Variants in TIPRL observed in about 807,000 individuals in gnomAD.
TIPRL encodes TOR signaling pathway regulator.
In TIPRL, 10 loss-of-function variants were observed where a neutral mutation model predicts 32.3. The ratio of observed to expected loss-of-function variants is 0.31; its 90% CI spans 0.19 to 0.52. The LOEUF (loss-of-function observed/expected upper bound fraction) is 0.52, where lower values mean the gene tolerates loss of function less well. Among genes scored for constraint, TIPRL ranks in the 20% least tolerant of loss-of-function variants. The pLI is 0.96. For missense variants in TIPRL, 250 were observed against 328.1 expected (o/e 0.76, Z 1.84); for synonymous variants, 100 against 114.0 (o/e 0.88, Z 0.78).
intron 3 of TIPRL, 29 bp from the exon 4 acceptor site, chr1:168,191,340 G>T: frequency 6.6e-7 from 1 of 1,506,544 alleles, no homozygotes; most frequent in Non-Finnish European, 8.8e-7. Flanking sequence ...TTTTTTTAAT[G>T]TGCTCCTCTT....
chr1:168,186,416 A>C lies in TIPRL; in HGVS notation c.384+1538A>C, dbSNP rs375661672. Among the ~76,000 whole-genome samples, 17 of 152,144 alleles carry C rather than the reference A, an allele frequency of 1.1e-4. No homozygotes were observed. The South Asian group carries it at 3.3e-3, about 30-fold the overall frequency. On this transcript the variant is annotated intron_variant, in intron 3 of 6. Transcript: ENST00000367833. ...GAGGTTGAGGCAGGAGAATCACTTGAACCCAGGAGGTAGAGGTTGCAGTGA... is the reference window on the plus strand; with the variant it reads ...GAGGTTGAGGCAGGAGAATCACTTGCACCCAGGAGGTAGAGGTTGCAGTGA...
At chr1:168,189,821 A>T (rs1700070031) in intron 3 of TIPRL, among the ~76,000 whole-genome samples, 1 of 152,214 alleles carries the variant, frequency 6.6e-6, no homozygotes, top group Non-Finnish European at 1.5e-5. Context: ...TCTCTAACTC[A>T]TGCTTTGTTT....
At chr1:168,186,132 G>A (rs1403161627) in intron 3 of TIPRL, among the ~76,000 whole-genome samples, 1 of 148,548 alleles carries the variant, frequency 6.7e-6, no homozygotes, top group African/African-American at 2.5e-5. Flanking sequence ...ATAACGCTAG[G>A]AAGATGGAAT....
At chr1:168,193,797 G>T (rs1338716103) in intron 4 of TIPRL, among the ~76,000 whole-genome samples, 2 of 152,144 alleles carry the variant, frequency 1.3e-5, no homozygotes, top group African/African-American at 4.8e-5. Context: ...ATTTGTAGAT[G>T]ATTTAATCCA....
intron 3 of TIPRL, among the ~76,000 whole-genome samples, chr1:168,188,182 T>C (rs943761078): frequency 1.6e-4 from 24 of 152,324 alleles, no homozygotes; most frequent in African/African-American, 5.8e-4. Context: ...CTAGTGTCTT[T>C]TATTTCAGTT....
intron 6 of TIPRL, among the ~76,000 whole-genome samples, 175 bp downstream of exon 6, chr1:168,199,156 A>C (rs1478934962): frequency 6.6e-6 from 1 of 152,136 alleles, no homozygotes; most frequent in African/African-American, 2.4e-5. Flanking sequence ...CCTTACCTCA[A>C]ATACAAGAAC....
intron 5 of TIPRL, among the ~76,000 whole-genome samples, chr1:168,197,537 A>G (rs1700171499): frequency 6.6e-6 from 1 of 151,798 alleles, no homozygotes; most frequent in South Asian, 2.1e-4. Context: ...TTTATTTGAG[A>G]TGGATGGAGT....
At chr1:168,194,080 C>A (rs1037838876) in intron 4 of TIPRL, among the ~76,000 whole-genome samples, 1 of 152,060 alleles carries the variant, frequency 6.6e-6, no homozygotes, top group African/African-American at 2.4e-5. Flanking sequence ...AAAGTATAAT[C>A]TTTCCTTGAT....
chr1:168,188,334 C>T (rs187405609), intron 3 of TIPRL, among the ~76,000 whole-genome samples: 197 of 152,260 alleles, frequency 1.3e-3, no homozygotes, highest in African/African-American at 4.5e-3. Flanking sequence ...GGACAGAGCT[C>T]TGCAAACTTC....
At position 168,197,402 on chromosome 1, in the gene TIPRL, T is replaced by C. The variant is rs561215835; in HGVS notation, c.612+760T>C. 2.6e-5 allele frequency among the ~76,000 whole-genome samples: 4 copies of C among 152,294 alleles called. 1 individual carries two copies. The South Asian group carries it at 8.3e-4, about 32-fold the overall frequency. On this transcript the variant is annotated intron_variant, in intron 5 of 6. Transcript: ENST00000367833. ...GCTTTCTAAACCCTTCACTTAGGGA[T>C]TTTTTCTTGAAATAACATGGTTATA...
chr1:168,195,570 A>G (rs1293796310), intron 4 of TIPRL, among the ~76,000 whole-genome samples: 1 of 152,148 alleles, frequency 6.6e-6, no homozygotes, highest in Non-Finnish European at 1.5e-5. Context: ...AAGCATATTC[A>G]TTTTAATTAA....
intron 5 of TIPRL, among the ~76,000 whole-genome samples, chr1:168,198,046 C>T (rs1401067429): frequency 2.6e-5 from 4 of 151,972 alleles, no homozygotes; most frequent in African/African-American, 9.7e-5. Flanking sequence ...TGTTTATATC[C>T]ATATGGTATA....
At chr1:168,192,905 C>T (rs947645523) in intron 4 of TIPRL, among the ~76,000 whole-genome samples, 1 of 150,158 alleles carries the variant, frequency 6.7e-6, no homozygotes, top group African/African-American at 2.5e-5. Flanking sequence ...AACAAACAAA[C>T]AAAACAAACA....
At chr1:168,193,618 C>T (rs908834345) in intron 4 of TIPRL, among the ~76,000 whole-genome samples, 5 of 151,884 alleles carry the variant, frequency 3.3e-5, no homozygotes, top group Non-Finnish European at 5.9e-5. Context: ...ATAAGTGGGT[C>T]GGTATTTGGA....
In TIPRL at chr1:168,179,015, G is replaced by A. The variant is rs1277943954; in HGVS notation, c.-63G>A. The stretch of plus-strand genomic sequence containing the variant: ...TGGGCCGGAGGGAGGCGGAGGAACC[G>A]GTGTTCGCCGCCGCCGCTGCTTCAG... On this transcript the variant is annotated 5_prime_UTR_variant, in exon 1 of 7. Transcript: ENST00000367833. The A allele has an allele frequency of 7.0e-7, 1 of 1,438,538 alleles. No individual in the cohort carries two copies. Among genetic ancestry groups the A allele is most frequent in the African/African-American group, 1.4e-5 (1 of 70,916 alleles). The allele number at this position is 1,438,538 out of a possible 1,614,324, so 89.1% of individuals were successfully genotyped here.
intron 3 of TIPRL, among the ~76,000 whole-genome samples, chr1:168,188,309 A>G (rs754972086): frequency 9.2e-4 from 140 of 152,262 alleles, no homozygotes; most frequent in Non-Finnish European, 1.5e-3. Flanking sequence ...GGCGCTCGAG[A>G]ATATTCATAG....
At chr1:168,194,448 C>T (rs957829525) in intron 4 of TIPRL, among the ~76,000 whole-genome samples, 2 of 152,246 alleles carry the variant, frequency 1.3e-5, no homozygotes, top group African/African-American at 4.8e-5. Flanking sequence ...TTCCTACTCT[C>T]TCCACTGTGC....
At position 168,190,498 on chromosome 1, in the gene TIPRL, T is replaced by C. The variant is rs1047012058; in HGVS notation, c.385-871T>C. Among the ~76,000 whole-genome samples the C allele has an allele frequency of 2.8e-4, 42 of 152,248 alleles. 1 individual carries two copies. The highest frequency in any genetic ancestry group is 8.2e-4 in the African/African-American group (34 of 41,476). The stretch of plus-strand genomic sequence containing the variant: ...TTATCTCAAATTACTCTCCATCTGC[T>C]AATTTTGTCCATGAGTCAAAACAAA... On this transcript the variant is annotated intron_variant, in intron 3 of 6. Coordinates refer to ENST00000367833, the MANE Select transcript of TIPRL (RefSeq NM_152902.5).
rs1700195691 is a variant in TIPRL at position 168,200,229 on chromosome 1, C to G, written c.*183C>G. ...CTCAACTGCTGTTTGTACTGTCTGT[C>G]TTCACATTCATATTCCAGATTTATA... On this transcript the variant is annotated 3_prime_UTR_variant, in exon 7 of 7. Transcript: ENST00000367833. 1 of 551,146 alleles carries G rather than the reference C, an allele frequency of 1.8e-6. No individual in the cohort carries two copies. The highest frequency in any genetic ancestry group is 3.1e-6 in the Non-Finnish European group (1 of 324,766). 34.1% of individuals were successfully genotyped at this position (551,146 alleles called of 1,614,324 possible). A position where few individuals can be genotyped will look rare whatever the true frequency, so the allele number is the denominator to read the frequency against.
Sources: allele counts gnomAD v4.1 joint callset (sites outside exome capture counted in the v4.1 genomes callset), GRCh38; gene constraint gnomAD v4.1.1; transcripts MANE v1.5; gene names NCBI Gene and HGNC (gene_info 2026-07-23, HGNC 2026-07-21).